Variants in RABGEF1 observed in about 807,000 individuals in gnomAD.
RABGEF1 encodes the protein rab5 GDP/GTP exchange factor.
Under a neutral mutation model 57.3 loss-of-function variants are expected in RABGEF1, and 26 were observed. The observed-to-expected ratio is 0.45, with a 90% confidence interval of 0.33 to 0.63. The LOEUF (loss-of-function observed/expected upper bound fraction) is 0.63, where lower values mean the gene tolerates loss of function less well. Ranked by LOEUF, RABGEF1 falls within the 20% of genes least tolerant of loss-of-function variation. The probability of loss-of-function intolerance (pLI) is 0.02; values close to 1 mark genes in which losing one functional copy is unlikely to be tolerated. For synonymous variants in RABGEF1, 185 were observed against 210.7 expected (o/e 0.88, Z 1.06); for missense variants, 464 against 607.6 (o/e 0.76, Z 2.48).
At chr7:66,694,661 G>A (rs1792059791) in intron 1 of RABGEF1, among the ~76,000 whole-genome samples, 3 of 152,222 alleles carry the variant, frequency 2.0e-5, no homozygotes, top group Non-Finnish European at 4.4e-5. Flanking sequence ...CAAATAGTGT[G>A]AGTTTAGGGT....
intron 1 of RABGEF1, among the ~76,000 whole-genome samples, chr7:66,764,694 C>T (rs931300494): frequency 1.1e-4 from 16 of 152,122 alleles, no homozygotes; most frequent in Admixed American, 7.2e-4. Context: ...CCAATTTTCC[C>T]GGCACTATTT....
At chr7:66,681,911 A>C (rs1789776986), upstream of RABGEF1, among the ~76,000 whole-genome samples, 1 of 152,026 alleles carries the variant, frequency 6.6e-6, no homozygotes, top group Non-Finnish European at 1.5e-5. Context: ...ACAGACTAGG[A>C]AACGTTGGTT....
intron 8 of RABGEF1, among the ~76,000 whole-genome samples, chr7:66,806,611 T>C (rs1035235027): frequency 6.6e-6 from 1 of 151,450 alleles, no homozygotes; most frequent in South Asian, 2.1e-4. Flanking sequence ...GTGGCCCATA[T>C]AGAATGAGAT....
At chr7:66,759,085 T>C (rs1283387672) in intron 1 of RABGEF1, among the ~76,000 whole-genome samples, 1 of 152,248 alleles carries the variant, frequency 6.6e-6, no homozygotes, top group Non-Finnish European at 1.5e-5. Context: ...CATACGTAGA[T>C]TCCTGTAGCC....
chr7:66,785,562 G>A (rs1810960613), intron 4 of RABGEF1, among the ~76,000 whole-genome samples: 1 of 152,218 alleles, frequency 6.6e-6, no homozygotes, highest in Non-Finnish European at 1.5e-5. Context: ...CTGAAGTTGT[G>A]AAGAATGTGG....
intron 4 of RABGEF1, among the ~76,000 whole-genome samples, chr7:66,791,316 A>G (rs369955339): frequency 2.6e-5 from 4 of 152,192 alleles, no homozygotes; most frequent in African/African-American, 9.6e-5. Flanking sequence ...TCTGTATTCT[A>G]CTAGTTACTA....
Position 66,797,338 on chromosome 7 carries a change from A to G in RABGEF1, c.596-36A>G, listed in dbSNP as rs761418865. ...AAAAAAAAAGAGAGAGAAAAAATAT[A>G]TATATCTTGATCTTTTCTCTGTCTG... is the stretch of plus-strand genomic sequence containing the variant. On this transcript the variant is annotated intron_variant, in intron 5 of 8. Coordinates refer to ENST00000284957, the MANE Select transcript of RABGEF1 (RefSeq NM_014504.3). 7.1e-6 allele frequency: 11 copies of G among 1,542,016 alleles called. No homozygotes were observed. In the Admixed American group the frequency reaches 1.1e-4, roughly 15 times the overall value.
chr7:66,801,753 TTTTCTTTATCCATTCATCTGTTGACAGAC>T (rs1787337902), intron 7 of RABGEF1, among the ~76,000 whole-genome samples: 2 of 152,304 alleles, frequency 1.3e-5, no homozygotes, highest in South Asian at 4.1e-4. Context: ...GTGTGCCATG[TTTTCTTTATCCATTCATCTGTTGACAGAC>T]ACCCTTTCCC....
At chr7:66,697,228 C>G (rs1792487711) in intron 1 of RABGEF1, among the ~76,000 whole-genome samples, 1 of 152,120 alleles carries the variant, frequency 6.6e-6, no homozygotes. Context: ...ATAAGAGACC[C>G]AGAGCCGACC....
At chr7:66,788,714 C>T (rs539442481) in intron 4 of RABGEF1, among the ~76,000 whole-genome samples, 85 of 152,224 alleles carry the variant, frequency 5.6e-4, no homozygotes, top group African/African-American at 2.0e-3. Context: ...CACAGTGGCT[C>T]ACGCTTGTAA....
At chr7:66,702,169 T>C (rs1458153261) in intron 1 of RABGEF1, among the ~76,000 whole-genome samples, 1 of 152,244 alleles carries the variant, frequency 6.6e-6, no homozygotes. Flanking sequence ...TTTTTGTGTT[T>C]AGCTTTTTTC....
chr7:66,777,763 A>G (rs1234257648), intron 3 of RABGEF1, among the ~76,000 whole-genome samples: 1 of 152,170 alleles, frequency 6.6e-6, no homozygotes, highest in East Asian at 1.9e-4. Flanking sequence ...ACTGCACTCC[A>G]GCCTAGGCAG....
chr7:66,739,562 TGA>T (rs1240285192), upstream of RABGEF1, among the ~76,000 whole-genome samples: 1 of 145,286 alleles, frequency 6.9e-6, no homozygotes, highest in Non-Finnish European at 1.5e-5. Flanking sequence ...CTTGGGTGGC[TGA>T]GGTGGGAGAA....
At chr7:66,795,434 G>A (rs1396405810) in intron 4 of RABGEF1, 77 bp from the exon 5 acceptor site, 2 of 1,276,196 alleles carry the variant, frequency 1.6e-6, no homozygotes, top group South Asian at 1.2e-5. Flanking sequence ...AATGGCTTTT[G>A]GAAAGTTCTT....
upstream of RABGEF1, among the ~76,000 whole-genome samples, chr7:66,737,998 CTTGG>C (rs890620168): frequency 2.0e-5 from 3 of 150,502 alleles, no homozygotes; most frequent in African/African-American, 7.3e-5. Flanking sequence ...CTGCAAGCTT[CTTGG>C]TTGTGTTTTT....
chr7:66,805,798 G>T (rs1265126461), intron 8 of RABGEF1, among the ~76,000 whole-genome samples: 1 of 152,094 alleles, frequency 6.6e-6, no homozygotes, highest in Non-Finnish European at 1.5e-5. Flanking sequence ...AGGCTGGAGT[G>T]CAGTGGTACA....
chr7:66,745,529 G>A (rs1470074751), intron 1 of RABGEF1, among the ~76,000 whole-genome samples: 1 of 152,132 alleles, frequency 6.6e-6, no homozygotes, highest in Non-Finnish European at 1.5e-5. Flanking sequence ...CACTTTGGGA[G>A]GCTGAGGTGG....
At chr7:66,748,751 TACCTTC>T (rs1800787620) in intron 1 of RABGEF1, 1 of 154,776 alleles carries the variant, frequency 6.5e-6, no homozygotes. Context: ...TTACACTTTA[TACCTTC>T]ACTATCAATT....
At chr7:66,773,706 C>A (rs1257672779) in intron 2 of RABGEF1, 1 of 453,980 alleles carries the variant, frequency 2.2e-6, no homozygotes, top group Admixed American at 2.4e-5. Flanking sequence ...TGCTCTGTTA[C>A]CCTGGCTGGA....
Sources: gnomAD v4.1 joint callset for allele counts (sites outside exome capture counted in the v4.1 genomes callset) on GRCh38, gnomAD v4.1.1 for gene constraint, MANE v1.5 for transcripts, NCBI Gene and HGNC (gene_info 2026-07-23, HGNC 2026-07-21) for gene names.